Variants in CLMP observed in about 807,000 individuals in gnomAD.
CLMP encodes the protein CXADR-like membrane protein.
Under a neutral mutation model 45.2 loss-of-function variants are expected in CLMP, and 27 were observed. The observed-to-expected ratio is 0.60, with a 90% confidence interval of 0.44 to 0.82. The LOEUF is 0.82. CLMP is among the 40% of genes least tolerant of loss of function. CLMP has a pLI of 0.00. For synonymous variants in CLMP, 167 were observed against 171.4 expected (o/e 0.97, Z 0.20); for missense variants, 403 against 448.4 (o/e 0.90, Z 0.91).
intron 1 of CLMP, among the ~76,000 whole-genome samples, chr11:123,110,689 G>A (rs967688321): frequency 6.6e-6 from 1 of 152,130 alleles, no homozygotes; most frequent in Non-Finnish European, 1.5e-5. Context: ...AAGGGGGGCC[G>A]GATATTGAGC....
intron 1 of CLMP, among the ~76,000 whole-genome samples, chr11:123,143,922 C>T (rs1444667400): frequency 6.6e-6 from 1 of 151,994 alleles, no homozygotes; most frequent in African/African-American, 2.4e-5. Flanking sequence ...GATCCTCCTA[C>T]CTCAGCCTCC....
intron 1 of CLMP, among the ~76,000 whole-genome samples, chr11:123,169,200 C>A (rs770122732): frequency 6.6e-6 from 1 of 152,140 alleles, no homozygotes; most frequent in African/African-American, 2.4e-5. Context: ...GCTCTGAGGG[C>A]CTCTGGGATT....
intron 2 of CLMP, among the ~76,000 whole-genome samples, chr11:123,088,959 G>T (rs975899753): frequency 6.6e-6 from 1 of 152,204 alleles, no homozygotes; most frequent in Admixed American, 6.6e-5. Context: ...AGCATCCAGA[G>T]ATGCCTTCGT....
chr11:123,185,600 G>T (rs1861824415), intron 1 of CLMP, among the ~76,000 whole-genome samples: 1 of 152,194 alleles, frequency 6.6e-6, no homozygotes, highest in African/African-American at 2.4e-5. Flanking sequence ...GGAGCCGGCT[G>T]CCCTTCCCTA....
At chr11:123,146,577 A>C (rs141845098) in intron 1 of CLMP, among the ~76,000 whole-genome samples, 1 of 152,078 alleles carries the variant, frequency 6.6e-6, no homozygotes, top group East Asian at 1.9e-4. Flanking sequence ...CCTCATTCTT[A>C]AAATTCTGGC....
At chr11:123,135,771 G>A (rs1303468959) in intron 1 of CLMP, among the ~76,000 whole-genome samples, 1 of 152,136 alleles carries the variant, frequency 6.6e-6, no homozygotes, top group Non-Finnish European at 1.5e-5. Flanking sequence ...GCCTCGGGTG[G>A]CAAAATGCTA....
intron 5 of CLMP, among the ~76,000 whole-genome samples, chr11:123,078,951 T>C (rs1427858634): frequency 2.6e-5 from 4 of 152,024 alleles, no homozygotes; most frequent in Non-Finnish European, 5.9e-5. Flanking sequence ...GCAAGTTTTA[T>C]ATTTTTAGTA....
rs560529896 is a variant in CLMP at position 123,166,941 on chromosome 11, T to TA, written c.28+27971dup. 5.1e-4 allele frequency among the ~76,000 whole-genome samples: 75 copies of TA among 146,374 alleles called. 1 individual carries two copies. The highest frequency in any genetic ancestry group is 3.5e-3 in the Middle Eastern group (1 of 286). On this transcript the variant is annotated intron_variant, in intron 1 of 6. Transcript: ENST00000448775. ...GTGTCAATTAGAAACAAAATAAAAC[T>TA]AAAAAAAAAAATCTGCCACCAAAGG...
intron 1 of CLMP, among the ~76,000 whole-genome samples, chr11:123,110,350 A>G (rs1311608163): frequency 2.6e-5 from 4 of 151,612 alleles, no homozygotes; most frequent in African/African-American, 9.7e-5. Context: ...GCTACTTGGG[A>G]GGCTGAGATG....
intron 5 of CLMP, among the ~76,000 whole-genome samples, chr11:123,077,416 C>T (rs11218956): frequency 0.021 from 3,151 of 152,266 alleles, 101 homozygotes; most frequent in East Asian, 0.17. Context: ...ACCGCAACCT[C>T]TGCCTCCCGG....
chr11:123,163,468 G>C (rs969283523), intron 1 of CLMP, among the ~76,000 whole-genome samples: 2 of 152,228 alleles, frequency 1.3e-5, no homozygotes, highest in Non-Finnish European at 2.9e-5. Context: ...AGGAGCAAGA[G>C]AAAGGAAGAG....
intron 5 of CLMP, among the ~76,000 whole-genome samples, chr11:123,075,442 A>G (rs1381283951): frequency 1.3e-5 from 2 of 152,024 alleles, no homozygotes; most frequent in Non-Finnish European, 2.9e-5. Flanking sequence ...ACTGGAGTGC[A>G]GTGACGCGAT....
chr11:123,100,870 A>C (rs976498087), intron 1 of CLMP, among the ~76,000 whole-genome samples: 7 of 151,688 alleles, frequency 4.6e-5, no homozygotes, highest in Non-Finnish European at 1.0e-4. Context: ...ACAGGCTTCA[A>C]TACCAGGTCA....
At chr11:123,107,383 A>G (rs1276122399) in intron 1 of CLMP, among the ~76,000 whole-genome samples, 1 of 122,422 alleles carries the variant, frequency 8.2e-6, no homozygotes, top group African/African-American at 2.9e-5. Context: ...GGCGCATGCC[A>G]CCACATCTGG....
chr11:123,080,780 A>G (rs2135465903), intron 5 of CLMP, among the ~76,000 whole-genome samples: 1 of 152,360 alleles, frequency 6.6e-6, no homozygotes, highest in South Asian at 2.1e-4. Flanking sequence ...AAATAGGCAC[A>G]GAATGTTGAA....
At chr11:123,146,397 A>T (rs1861238404) in intron 1 of CLMP, among the ~76,000 whole-genome samples, 1 of 152,052 alleles carries the variant, frequency 6.6e-6, no homozygotes, top group Non-Finnish European at 1.5e-5. Context: ...CACTCAATAA[A>T]TATTGGCTCT....
At chr11:123,168,029 T>C (rs1861581770) in intron 1 of CLMP, among the ~76,000 whole-genome samples, 1 of 152,152 alleles carries the variant, frequency 6.6e-6, no homozygotes, top group African/African-American at 2.4e-5. Flanking sequence ...GAAAGCTTGT[T>C]CTTAAACTGA....
chr11:123,108,715 G>A (rs1565384653), intron 1 of CLMP, among the ~76,000 whole-genome samples: 1 of 152,152 alleles, frequency 6.6e-6, no homozygotes, highest in Non-Finnish European at 1.5e-5. Context: ...GACACTGATG[G>A]AAGATAGTTG....
intron 1 of CLMP, among the ~76,000 whole-genome samples, chr11:123,141,173 CTTTTTTTTTTTTTTTTTT>C (rs550888215): frequency 2.5e-5 from 2 of 80,808 alleles, no homozygotes; most frequent in South Asian, 4.8e-4. Context: ...TCAGGCATTC[CTTTTTTTTTTTTTTTTTT>C]TTTTTTTTTT....
Sources: allele counts gnomAD v4.1 joint callset (sites outside exome capture counted in the v4.1 genomes callset), GRCh38; gene constraint gnomAD v4.1.1; transcripts MANE v1.5; gene names NCBI Gene and HGNC (gene_info 2026-07-23, HGNC 2026-07-21).